The following MLLT10 variants were observed in gnomAD, a reference collection of about 807,000 sequenced individuals.
The protein encoded by MLLT10 is MLLT10 histone lysine methyltransferase DOT1L cofactor, also known as protein AF-10.
Under a neutral mutation model 129.1 loss-of-function variants are expected in MLLT10, and 30 were observed. That is an observed-to-expected ratio of 0.23 (90% confidence interval 0.17 to 0.32). The LOEUF (loss-of-function observed/expected upper bound fraction) is 0.32. Among genes scored for constraint, MLLT10 ranks in the 10% least tolerant of loss-of-function variants. The pLI is 1.00. For missense variants in MLLT10, 1,119 were observed against 1,268.3 expected (o/e 0.88, Z 1.79); for synonymous variants, 490 against 446.4 (o/e 1.10, Z -1.23).
At chr10:21,740,485 C>G (rs1426401182) in intron 22 of MLLT10, among the ~76,000 whole-genome samples, 2 of 152,180 alleles carry the variant, frequency 1.3e-5, no homozygotes, top group African/African-American at 4.8e-5. Flanking sequence ...ACAAAGTTAG[C>G]AAGTCATATG....
Position 21,735,251 on chromosome 10 carries a change from T to C in MLLT10, c.2955+16T>C. 1 of 1,560,674 alleles carries C rather than the reference T, an allele frequency of 6.4e-7. No individual in the cohort carries two copies. ...GCTCACACCAGTAAGTTCTTTCTTT[T>C]GATAATATCTTATTAGGAGCATGTG... On this transcript the variant is annotated intron_variant, in intron 21 of 22. Transcript: ENST00000307729.
At chr10:21,738,728 CTTGAAACATTTCCTCCTCT>C (rs1320685363) in intron 21 of MLLT10, among the ~76,000 whole-genome samples, 1 of 152,150 alleles carries the variant, frequency 6.6e-6, no homozygotes, top group African/African-American at 2.4e-5. Context: ...TTTCCTCCTC[CTTGAAACATTTCCTCCTCT>C]TAGCTTCCAG....
At position 21,742,051 on chromosome 10, in the gene MLLT10, C is replaced by T. The variant is rs1238995624; in HGVS notation, c.*68C>T. ...CACTTCATCTGGCTGCCTTTGCAGTCCTTTTACTACAGCTATGAAGAAACG... is the reference window on the plus strand; with the variant it reads ...CACTTCATCTGGCTGCCTTTGCAGTTCTTTTACTACAGCTATGAAGAAACG... On this transcript the variant is annotated 3_prime_UTR_variant, in exon 23 of 23. Coordinates refer to ENST00000307729, the MANE Select transcript of MLLT10 (RefSeq NM_001195626.3). The T allele has an allele frequency of 5.7e-6, 8 of 1,395,946 alleles. No homozygotes were observed. Among genetic ancestry groups the T allele is most frequent in the Non-Finnish European group, 8.1e-6 (8 of 991,182 alleles). The allele number at this position is 1,395,946 out of a possible 1,614,324, so 86.5% of individuals were successfully genotyped here. A position where few individuals can be genotyped will look rare whatever the true frequency, so the allele number is the denominator to read the frequency against.
At chr10:21,623,772 C>T (rs1162269794) in intron 8 of MLLT10, among the ~76,000 whole-genome samples, 1 of 152,186 alleles carries the variant, frequency 6.6e-6, no homozygotes, top group African/African-American at 2.4e-5. Context: ...TTCTATCCCA[C>T]TCAATCTGAA....
At chr10:21,615,281 A>G (rs2045117095) in intron 7 of MLLT10, among the ~76,000 whole-genome samples, 2 of 151,758 alleles carry the variant, frequency 1.3e-5, no homozygotes, top group African/African-American at 4.8e-5. Flanking sequence ...AGCATGGGGA[A>G]ACCTCGTCTC....
At chr10:21,697,099 C>CAAAAAAAAAAAAAA (rs1163740638) in intron 13 of MLLT10, among the ~76,000 whole-genome samples, 1 of 82,662 alleles carries the variant, frequency 1.2e-5, no homozygotes, top group African/African-American at 4.8e-5. Flanking sequence ...CTGATTTAAG[C>CAAAAAAAAAAAAAA]AAAAAAAAAA....
chr10:21,616,941 G>A (rs1000069679), intron 7 of MLLT10, among the ~76,000 whole-genome samples, 171 bp from the exon 8 acceptor site: 3 of 151,792 alleles, frequency 2.0e-5, no homozygotes, highest in African/African-American at 4.8e-5. Flanking sequence ...ATAATGCAAT[G>A]GATGATATAT....
At chr10:21,595,031 G>A (rs556127113) in intron 4 of MLLT10, among the ~76,000 whole-genome samples, 4 of 152,224 alleles carry the variant, frequency 2.6e-5, no homozygotes, top group Admixed American at 1.3e-4. Flanking sequence ...CAGAGGTAGC[G>A]TTGATCTGAA....
intron 14 of MLLT10, among the ~76,000 whole-genome samples, chr10:21,723,785 G>A (rs540483702): frequency 6.6e-6 from 1 of 152,148 alleles, no homozygotes; most frequent in Admixed American, 6.5e-5. Context: ...TATTAAATGT[G>A]TAGTGGATCT....
intron 4 of MLLT10, 32 bp downstream of exon 4, chr10:21,586,380 A>G: frequency 6.8e-7 from 1 of 1,462,728 alleles, no homozygotes; most frequent in Non-Finnish European, 9.3e-7. Context: ...AAAAAATTTT[A>G]TTGAAAACTG....
At chr10:21,554,970 C>T (rs562103764) in intron 3 of MLLT10, among the ~76,000 whole-genome samples, 2 of 151,488 alleles carry the variant, frequency 1.3e-5, no homozygotes, top group African/African-American at 2.4e-5. Flanking sequence ...GACAGGCGCA[C>T]GCCACCATGC....
chr10:21,686,460 C>T (rs1476572161), intron 13 of MLLT10, among the ~76,000 whole-genome samples: 1 of 151,878 alleles, frequency 6.6e-6, no homozygotes, highest in Non-Finnish European at 1.5e-5. Context: ...GCAGTTTATC[C>T]TGGTGGACCT....
chr10:21,741,892 T>G (rs1341678099), intron 22 of MLLT10, 47 bp from the exon 23 acceptor site: 1 of 1,581,798 alleles, frequency 6.3e-7, no homozygotes. Context: ...GAGAATATTA[T>G]CAAAAGTTGA....
intron 3 of MLLT10, among the ~76,000 whole-genome samples, chr10:21,574,625 G>T (rs1253711667): frequency 3.3e-5 from 5 of 152,254 alleles, no homozygotes; most frequent in South Asian, 4.1e-4. Context: ...TAAACAAGGG[G>T]TGGATTATTC....
chr10:21,594,219 T>G (rs1000973607), intron 4 of MLLT10, among the ~76,000 whole-genome samples: 1 of 152,038 alleles, frequency 6.6e-6, no homozygotes, highest in Non-Finnish European at 1.5e-5. Flanking sequence ...TGTTTCTGAA[T>G]GTACATCCCT....
At chr10:21,665,865 C>T (rs543452946) in intron 9 of MLLT10, among the ~76,000 whole-genome samples, 1 of 152,144 alleles carries the variant, frequency 6.6e-6, no homozygotes, top group African/African-American at 2.4e-5. Flanking sequence ...TTAGCTGAGA[C>T]TACAGGTGCA....
intron 3 of MLLT10, among the ~76,000 whole-genome samples, chr10:21,540,092 T>A (rs74497279): frequency 5.3e-5 from 8 of 151,706 alleles, no homozygotes; most frequent in African/African-American, 1.7e-4. Context: ...AAAAGAAAAA[T>A]TTTAAAAATT....
chr10:21,562,824 T>TG (rs1265854244), intron 3 of MLLT10, among the ~76,000 whole-genome samples: 3 of 138,844 alleles, frequency 2.2e-5, no homozygotes, highest in East Asian at 4.1e-4. Flanking sequence ...TTTTGTTTTT[T>TG]TTTTTTTTTT....
chr10:21,541,606 G>A (rs1220533578), intron 3 of MLLT10, among the ~76,000 whole-genome samples: 2 of 152,066 alleles, frequency 1.3e-5, no homozygotes, highest in Non-Finnish European at 2.9e-5. Flanking sequence ...GGCTGGTCTC[G>A]ATCTCCTGAC....
Sources: gnomAD v4.1 joint callset for allele counts (sites outside exome capture counted in the v4.1 genomes callset) on GRCh38, gnomAD v4.1.1 for gene constraint, MANE v1.5 for transcripts, NCBI Gene and HGNC (gene_info 2026-07-23, HGNC 2026-07-21) for gene names.